Variants in TSHZ2 observed in about 807,000 individuals in gnomAD.
The protein encoded by TSHZ2 is teashirt homolog 2.
Under a neutral mutation model 74.4 loss-of-function variants are expected in TSHZ2, and 21 were observed. That is an observed-to-expected ratio of 0.28 (90% confidence interval 0.20 to 0.41). The LOEUF (loss-of-function observed/expected upper bound fraction) is 0.41. Among genes scored for constraint, TSHZ2 ranks in the 10% least tolerant of loss-of-function variants. The pLI, the probability that TSHZ2 is intolerant of heterozygous loss-of-function variation, is 1.00. For missense variants in TSHZ2, 1,244 were observed against 1,293.5 expected, an observed-to-expected ratio of 0.96 and a Z score of 0.59; for synonymous variants, 540 against 515.3, an observed-to-expected ratio of 1.05 and a Z score of -0.65.
At chr20:53,236,357 G>A (rs778812637) in intron 1 of TSHZ2, among the ~76,000 whole-genome samples, 12 of 152,184 alleles carry the variant, frequency 7.9e-5, no homozygotes, top group Non-Finnish European at 1.8e-4. Context: ...TGGATGCTAA[G>A]TTGCTTACTT....
At chr20:53,050,165 G>GTACATATATACACATATATATGTATA (rs1568736449) in intron 1 of TSHZ2, among the ~76,000 whole-genome samples, 23 of 110,034 alleles carry the variant, frequency 2.1e-4, no homozygotes, top group Middle Eastern at 5.6e-3. Flanking sequence ...ACATATATAT[G>GTACATATATACACATATATATGTATA]TACATATATA....
chr20:53,328,637 T>C (rs981928689), intron 2 of TSHZ2, among the ~76,000 whole-genome samples: 13 of 152,250 alleles, frequency 8.5e-5, no homozygotes, highest in African/African-American at 3.1e-4. Flanking sequence ...AGCATCTTTC[T>C]ATTCTAATCA....
intron 1 of TSHZ2, among the ~76,000 whole-genome samples, chr20:53,247,101 G>A (rs1378859614): frequency 2.6e-5 from 4 of 152,182 alleles, no homozygotes; most frequent in African/African-American, 9.7e-5. Context: ...TATTTGTTTG[G>A]TTCTGACTTT....
chr20:53,059,169 T>G (rs533897316), intron 1 of TSHZ2, among the ~76,000 whole-genome samples: 1 of 152,236 alleles, frequency 6.6e-6, no homozygotes, highest in East Asian at 1.9e-4. Flanking sequence ...TATTAGATCC[T>G]TCTGCAACAG....
At chr20:53,420,435 T>C (rs1983426911) in intron 2 of TSHZ2, among the ~76,000 whole-genome samples, 1 of 152,074 alleles carries the variant, frequency 6.6e-6, no homozygotes, top group Admixed American at 6.6e-5. Context: ...AAGACATTCA[T>C]TGAAAAAAAG....
intron 1 of TSHZ2, among the ~76,000 whole-genome samples, chr20:53,026,739 C>G (rs1373699823): frequency 6.6e-6 from 1 of 152,128 alleles, no homozygotes; most frequent in Non-Finnish European, 1.5e-5. Flanking sequence ...TATTATTATA[C>G]TTAAAGTATG....
intron 2 of TSHZ2, among the ~76,000 whole-genome samples, chr20:53,451,099 G>C (rs753878966): frequency 6.6e-6 from 1 of 152,126 alleles, no homozygotes; most frequent in African/African-American, 2.4e-5. Flanking sequence ...TGTTGATGTT[G>C]CTCATGAAAA....
intron 1 of TSHZ2, among the ~76,000 whole-genome samples, chr20:53,058,547 C>T (rs981671931): frequency 7.2e-5 from 11 of 152,252 alleles, no homozygotes; most frequent in South Asian, 2.1e-4. Flanking sequence ...TCTGACAGCA[C>T]GGGCCACACA....
At chr20:52,980,901 C>A (rs546455708) in intron 1 of TSHZ2, among the ~76,000 whole-genome samples, 1 of 152,072 alleles carries the variant, frequency 6.6e-6, no homozygotes, top group African/African-American at 2.4e-5. Flanking sequence ...TTTATCAGAT[C>A]CTTGGAATTT....
intron 1 of TSHZ2, among the ~76,000 whole-genome samples, chr20:53,235,606 G>A (rs1452907246): frequency 1.3e-5 from 2 of 152,088 alleles, no homozygotes. Flanking sequence ...AATGTATATT[G>A]CATACTGTAC....
intron 1 of TSHZ2, among the ~76,000 whole-genome samples, chr20:53,205,655 G>C (rs1007347921): frequency 6.6e-6 from 1 of 152,134 alleles, no homozygotes; most frequent in Admixed American, 6.5e-5. Context: ...ACCTGAACCT[G>C]ATACTTGTCC....
Position 53,469,640 on chromosome 20 carries a change from GGA to G in TSHZ2, c.*9-17503_*9-17502del, listed in dbSNP as rs1568931962. ...AGAGAGGGAGGAAGGGAGGGAGGAA[GGA>G]AGGAAGGAAGGAAGGAAGGAAGGAA... is the stretch of plus-strand genomic sequence containing the variant. On this transcript the variant is annotated intron_variant, in intron 2 of 2. Transcript: ENST00000371497. Among the ~76,000 whole-genome samples the G allele has an allele frequency of 7.4e-3, 463 of 62,232 alleles. 53 individuals carry two copies. The highest frequency in any genetic ancestry group is 0.026 in the African/African-American group (393 of 15,112). 40.8% of individuals were successfully genotyped at this position (62,232 alleles called of 152,430 possible).
At chr20:53,027,304 T>C (rs1034325073) in intron 1 of TSHZ2, among the ~76,000 whole-genome samples, 1 of 152,224 alleles carries the variant, frequency 6.6e-6, no homozygotes, top group Non-Finnish European at 1.5e-5. Context: ...TACACACATA[T>C]CCATATATGC....
At chr20:53,135,252 A>G (rs1379408088) in intron 1 of TSHZ2, among the ~76,000 whole-genome samples, 1 of 152,204 alleles carries the variant, frequency 6.6e-6, no homozygotes, top group Non-Finnish European at 1.5e-5. Context: ...AGGACCCAGA[A>G]GAGCTCCAGC....
At chr20:53,072,360 A>G (rs2123201228) in intron 1 of TSHZ2, among the ~76,000 whole-genome samples, 1 of 152,344 alleles carries the variant, frequency 6.6e-6, no homozygotes. Flanking sequence ...ATAATAATCC[A>G]GCAATATCAA....
At chr20:53,132,958 T>C (rs912312408) in intron 1 of TSHZ2, among the ~76,000 whole-genome samples, 1 of 152,214 alleles carries the variant, frequency 6.6e-6, no homozygotes, top group African/African-American at 2.4e-5. Flanking sequence ...CCGTTTTCTA[T>C]CTTTCATGAT....
intron 1 of TSHZ2, chr20:53,196,487 TC>T (rs1284217104): frequency 2.0e-5 from 3 of 150,898 alleles, no homozygotes; most frequent in Non-Finnish European, 4.4e-5. Flanking sequence ...TGCGGTCAAC[TC>T]ACCCCGACCT....
chr20:53,175,449 G>GT lies in TSHZ2; in HGVS notation c.41-78043dup, dbSNP rs575237483. The stretch of plus-strand genomic sequence containing the variant: ...AGCCATTGCACCTGGCCCCCTGGGC[G>GT]TTTTTTTCTTCTGCCTTGGCCCTTG... On this transcript the variant is annotated intron_variant, in intron 1 of 2. Coordinates refer to ENST00000371497, the MANE Select transcript of TSHZ2 (RefSeq NM_173485.6). Among the ~76,000 whole-genome samples, 30 of 152,030 alleles carry GT rather than the reference G, an allele frequency of 2.0e-4. No individual in the cohort carries two copies. In the East Asian group the frequency reaches 5.6e-3, roughly 28 times the overall value.
At chr20:53,211,474 A>G (rs1348608695) in intron 1 of TSHZ2, among the ~76,000 whole-genome samples, 6 of 151,904 alleles carry the variant, frequency 3.9e-5, no homozygotes, top group Non-Finnish European at 8.8e-5. Flanking sequence ...TTACTTTTGT[A>G]GGGCCCATCA....
Sources: allele counts gnomAD v4.1 joint callset (sites outside exome capture counted in the v4.1 genomes callset), GRCh38; gene constraint gnomAD v4.1.1; transcripts MANE v1.5; gene names NCBI Gene and HGNC (gene_info 2026-07-23, HGNC 2026-07-21).